The following SYT10 variants were observed in gnomAD, a reference collection of about 807,000 sequenced individuals.
SYT10 encodes the protein synaptotagmin 10.
In SYT10, 31 loss-of-function variants were observed where a neutral mutation model predicts 51.1. That is an observed-to-expected ratio of 0.61 (90% CI 0.46 to 0.82). SYT10 has a LOEUF of 0.82. Ranked by LOEUF, SYT10 falls within the 40% of genes least tolerant of loss-of-function variation. SYT10 has a pLI of 0.00. For missense variants in SYT10, 603 were observed against 634.0 expected (o/e 0.95, Z 0.53); for synonymous variants, 233 against 225.9 (o/e 1.03, Z -0.28).
chr12:33,419,953 G>A (rs984675678), intron 2 of SYT10, among the ~76,000 whole-genome samples: 3 of 152,168 alleles, frequency 2.0e-5, no homozygotes, highest in African/African-American at 7.2e-5. Flanking sequence ...AGAAGGTCAT[G>A]TGACCATAAT....
intron 1 of SYT10, among the ~76,000 whole-genome samples, chr12:33,427,485 T>A (rs368072331): frequency 6.6e-6 from 1 of 152,158 alleles, no homozygotes; most frequent in East Asian, 1.9e-4. Context: ...CAAGATTCCA[T>A]CATAATTACA....
At chr12:33,404,885 CA>C (rs1866339217) in intron 3 of SYT10, 1 of 151,874 alleles carries the variant, frequency 6.6e-6, no homozygotes, top group Non-Finnish European at 1.5e-5. Flanking sequence ...GGGAGAGTTG[CA>C]AATAAATTTA....
At chr12:33,423,326 CTG>C (rs1233431694) in intron 2 of SYT10, among the ~76,000 whole-genome samples, 1 of 150,626 alleles carries the variant, frequency 6.6e-6, no homozygotes, top group African/African-American at 2.4e-5. Flanking sequence ...GTGTGTGCAT[CTG>C]TGTGTGTTAT....
chr12:33,386,575 A>AT (rs1211196855), intron 3 of SYT10, among the ~76,000 whole-genome samples: 1 of 152,008 alleles, frequency 6.6e-6, no homozygotes, highest in Non-Finnish European at 1.5e-5. Flanking sequence ...CTCAAACAGC[A>AT]TCTCTGCAGT....
chr12:33,428,138 G>A (rs1192161326), intron 1 of SYT10, among the ~76,000 whole-genome samples: 2 of 152,202 alleles, frequency 1.3e-5, no homozygotes, highest in African/African-American at 4.8e-5. Context: ...CTCTAGTGAA[G>A]GAGAGTGAAG....
intron 3 of SYT10, among the ~76,000 whole-genome samples, chr12:33,401,183 T>C (rs1216439982): frequency 1.3e-5 from 2 of 152,322 alleles, no homozygotes; most frequent in South Asian, 2.1e-4. Context: ...ATTCATTCTA[T>C]CCAGTTGCCA....
chr12:33,379,054 C>T (rs1329874533), intron 6 of SYT10, among the ~76,000 whole-genome samples: 3 of 152,084 alleles, frequency 2.0e-5, no homozygotes, highest in Non-Finnish European at 2.9e-5. Flanking sequence ...TTTTTTGTGA[C>T]TAAACTGAGA....
chr12:33,423,992 T>G (rs1439446685), intron 2 of SYT10: 1 of 455,952 alleles, frequency 2.2e-6, no homozygotes, highest in Admixed American at 2.4e-5. Flanking sequence ...TCTTTTCTTC[T>G]TCTTCTTTCC....
Position 33,426,499 on chromosome 12 carries a change from G to A in SYT10, c.152-4C>T, listed in dbSNP as rs867817073. On this transcript the variant is annotated splice_region_variant and splice_polypyrimidine_tract_variant and intron_variant, in intron 1 of 6. Transcript: ENST00000228567. ...GCTAACAGGCTGACTGAAATATCTG[G>A]AAAAATTACAATGTAAAAATGATTA... is the stretch of plus-strand genomic sequence containing the variant. 9.7e-6 allele frequency: 15 copies of A among 1,554,094 alleles called. No homozygotes were observed. Among genetic ancestry groups the A allele is most frequent in the Non-Finnish European group, 1.2e-5 (14 of 1,154,328 alleles).
intron 1 of SYT10, among the ~76,000 whole-genome samples, chr12:33,435,676 A>G (rs1363318439): frequency 6.6e-6 from 1 of 152,190 alleles, no homozygotes; most frequent in East Asian, 1.9e-4. Flanking sequence ...TTAAAAAATG[A>G]TAACTCAATT....
chr12:33,387,042 G>A (rs767540842), intron 3 of SYT10, among the ~76,000 whole-genome samples: 7 of 152,120 alleles, frequency 4.6e-5, no homozygotes, highest in African/African-American at 1.4e-4. Context: ...AGCCATGCCT[G>A]GTAAGAAATT....
chr12:33,425,999 T>C (rs1591997156), intron 2 of SYT10, 139 bp downstream of exon 2: 2 of 836,532 alleles, frequency 2.4e-6, no homozygotes, highest in African/African-American at 1.7e-5. Flanking sequence ...CTATTTCCTA[T>C]GTCTTTCCCA....
chr12:33,417,852 GA>G (rs964160609), intron 2 of SYT10, among the ~76,000 whole-genome samples: 4 of 151,724 alleles, frequency 2.6e-5, no homozygotes, highest in Non-Finnish European at 5.9e-5. Context: ...AACTAAGAAG[GA>G]AAAAAAATAA....
chr12:33,433,443 A>T (rs1866612775), intron 1 of SYT10, among the ~76,000 whole-genome samples: 1 of 152,212 alleles, frequency 6.6e-6, no homozygotes, highest in Admixed American at 6.5e-5. Context: ...TAACAAAAAC[A>T]ATGTAACTGG....
intron 1 of SYT10, among the ~76,000 whole-genome samples, chr12:33,436,797 T>C (rs1401190886): frequency 1.3e-5 from 2 of 152,348 alleles, no homozygotes; most frequent in Admixed American, 1.3e-4. Context: ...GAGCTTGTAA[T>C]TATCACTGTA....
chr12:33,438,225 C>T (rs1271253823), intron 1 of SYT10, among the ~76,000 whole-genome samples: 1 of 152,280 alleles, frequency 6.6e-6, no homozygotes, highest in South Asian at 2.1e-4. Flanking sequence ...CTGTCCAGCT[C>T]TTGTTGCCCT....
intron 3 of SYT10, among the ~76,000 whole-genome samples, chr12:33,389,114 C>T (rs1003057141): frequency 6.6e-6 from 1 of 152,086 alleles, no homozygotes; most frequent in Non-Finnish European, 1.5e-5. Flanking sequence ...TATGATTATA[C>T]TCAGAAATAA....
At chr12:33,427,387 C>G (rs998537922) in intron 1 of SYT10, among the ~76,000 whole-genome samples, 1 of 152,028 alleles carries the variant, frequency 6.6e-6, no homozygotes, top group Non-Finnish European at 1.5e-5. Context: ...TATAGAGAAG[C>G]AGAAAATTTT....
intron 6 of SYT10, among the ~76,000 whole-genome samples, chr12:33,379,053 A>C (rs1866090768): frequency 6.6e-6 from 1 of 152,086 alleles, no homozygotes; most frequent in African/African-American, 2.4e-5. Flanking sequence ...TTTTTTTGTG[A>C]CTAAACTGAG....
Sources: allele counts gnomAD v4.1 joint callset (sites outside exome capture counted in the v4.1 genomes callset), GRCh38; gene constraint gnomAD v4.1.1; transcripts MANE v1.5; gene names NCBI Gene and HGNC (gene_info 2026-07-23, HGNC 2026-07-21).